Variants in CACNA1F observed in about 807,000 individuals in gnomAD.
CACNA1F encodes the protein calcium voltage-gated channel subunit alpha1 F.
CACNA1F carries 59 observed loss-of-function variants against 143.8 expected under a neutral mutation model. The observed-to-expected ratio is 0.41, with a 90% CI of 0.33 to 0.51. The LOEUF (loss-of-function observed/expected upper bound fraction) is 0.51, where lower values mean the gene tolerates loss of function less well. Among genes scored for constraint, CACNA1F ranks in the 20% least tolerant of loss-of-function variants. The pLI is 0.22. For synonymous variants in CACNA1F, 643 were observed against 649.1 expected (o/e 0.99, Z 0.14); for missense variants, 1,411 against 1,647.5 (o/e 0.86, Z 2.48).
Position 49,219,788 on chromosome X carries a change from T to G in CACNA1F, c.2389A>C (p.Met797Leu). The stretch of plus-strand genomic sequence containing the variant: ...TCTTCCTCCTCCTCCTCCTCCTCCA[T>G]GTCTGGCACCAGAGAAAAGCAAAAA... ...EEGARREGADMEEEEEEEEEE... is the reference protein window; with the variant it reads ...EEGARREGADLEEEEEEEEEE... Residue 797 changes from methionine to leucine, a missense_variant and splice_region_variant, in exon 20 of 48, where the codon ATG becomes CTG. By Grantham distance (15) the Met-to-Leu change is conservative (BLOSUM62 2). Coordinates refer to ENST00000323022, the MANE Select transcript of CACNA1F (RefSeq NM_001256789.3). The G allele has an allele frequency of 9.4e-7, 1 of 1,066,349 alleles. No individual in the cohort carries two copies. The allele number at this position is 1,066,349 out of a possible 1,213,427, so 87.9% of individuals were successfully genotyped here.
chrX:49,208,783 G>A (rs1284706057), intron 42 of CACNA1F, 99 bp from the exon 43 acceptor site: 16 of 666,146 alleles, frequency 2.4e-5, no homozygotes, highest in Admixed American at 6.9e-5. Flanking sequence ...TGTGGGCCTT[G>A]CCCTCCAACA....
At chrX:49,233,106 C>G in intron 1 of CACNA1F, 179 bp downstream of exon 1, 1 of 481,422 alleles carries the variant, frequency 2.1e-6, no homozygotes, top group East Asian at 3.7e-5. Flanking sequence ...CTGGGTCAGG[C>G]TGAGCGTTAG....
intron 14 of CACNA1F, 102 bp downstream of exon 14, chrX:49,224,659 T>C: frequency 1.7e-6 from 1 of 579,772 alleles, no homozygotes; most frequent in Non-Finnish European, 3.0e-6. Context: ...AATGGATGTC[T>C]GCTCAATGAA....
Position 49,231,311 on chromosome X carries a change from A to C in CACNA1F, c.276-4T>G. ...CAGGATGAGGATGTCGAAGGGCCTC[A>C]GGTGGACACAGTCAAGGACCCTGGC... On this transcript the variant is annotated splice_region_variant and splice_polypyrimidine_tract_variant and intron_variant, in intron 2 of 47. Transcript: ENST00000323022. 6 of 1,122,203 alleles carry C rather than the reference A, an allele frequency of 5.3e-6. No homozygotes were observed. The highest frequency in any genetic ancestry group is 7.2e-6 in the Non-Finnish European group (6 of 831,505). The allele number at this position is 1,122,203 out of a possible 1,213,427, so 92.5% of individuals were successfully genotyped here.
chrX:49,217,429 G>T (rs781843951), intron 26 of CACNA1F, among the ~76,000 whole-genome samples: 9 of 112,438 alleles, frequency 8.0e-5, no homozygotes, highest in Non-Finnish European at 1.1e-4. Flanking sequence ...GTCTCATGAA[G>T]TGGATTTGAA....
Position 49,206,803 on chromosome X carries a change from G to T in CACNA1F, c.5284C>A (p.Pro1762Thr), listed in dbSNP as rs938986393. 4.1e-6 allele frequency: 5 copies of T among 1,207,906 alleles called. No homozygotes were observed. The highest frequency in any genetic ancestry group is 5.6e-6 in the Non-Finnish European group (5 of 893,216). ...ATGTATCTCTGAGCTCTGTGAGGTG[G>T]CAAAAGGACTGAGCACGGGGGAGTC... ...AGTPPCSVLL[P>T]PHRAQRYMDG... Residue 1762 changes from proline (P) to threonine (T), a missense_variant, in exon 45 of 48, where the codon CCA becomes ACA. By Grantham distance (38) the Pro-to-Thr change is conservative (BLOSUM62 -1). Transcript: ENST00000323022.
At chrX:49,215,024 A>G (rs983154864) in intron 29 of CACNA1F, 62 bp downstream of exon 29, 3 of 1,062,171 alleles carry the variant, frequency 2.8e-6, no homozygotes, top group East Asian at 6.0e-5. Flanking sequence ...AATGGTTCCC[A>G]AGGGATTATG....
chrX:49,211,843 G>A, intron 35 of CACNA1F, 55 bp downstream of exon 35: 1 of 980,236 alleles, frequency 1.0e-6, no homozygotes, highest in Non-Finnish European at 1.5e-6. Flanking sequence ...GGGGCTCAGA[G>A]AGGGTGGGTG....
At chrX:49,229,705 G>T (rs1229922287) in intron 6 of CACNA1F, among the ~76,000 whole-genome samples, 1 of 109,744 alleles carries the variant, frequency 9.1e-6, no homozygotes, top group Non-Finnish European at 1.9e-5. Context: ...TGCAAGCTCC[G>T]CCTCCTGGGT....
chrX:49,226,014 T>C lies in CACNA1F; in HGVS notation c.1546A>G (p.Lys516Glu), dbSNP rs782658565. The change falls in exon 13 of 48, where the codon AAG becomes GAG. Residue 516 changes from lysine to glutamate, a missense_variant. By Grantham distance (56) the Lys-to-Glu change is moderately conservative. This residue lies in a region of CACNA1F where 950 missense variants were observed against 1,128.1 expected (regional missense o/e 0.84). Coordinates refer to ENST00000323022, the MANE Select transcript of CACNA1F (RefSeq NM_001256789.3). ...VLRARCRRAV[K>E]SNACYWAVLL... ...ACAGCCCAGTAGCAGGCATTGGACT[T>C]CACTGCCCGACGGCAGCGTGCCCGA... is the stretch of plus-strand genomic sequence containing the variant. 113 of 1,183,713 alleles carry C rather than the reference T, an allele frequency of 9.5e-5. No homozygotes were observed. In the South Asian group the frequency reaches 2.0e-3, roughly 21 times the overall value.
rs1299870733 is a variant in CACNA1F, at chrX:49,231,794, C to T, written c.159G>A (p.Gln53=). Residue 53 remains glutamine, a synonymous_variant, in exon 2 of 48, where the codon CAG becomes CAA. Coordinates refer to ENST00000323022, the MANE Select transcript of CACNA1F (RefSeq NM_001256789.3). Reference sequence around the variant, plus strand: ...CTGCCACTGTCTTGTGCTTGCTGTGCTGGTTTCTTCGCTTAGGGGTCCCTA... The same window carrying T: ...CTGCCACTGTCTTGTGCTTGCTGTGTTGGTTTCTTCGCTTAGGGGTCCCTA... ...SGLGTPKRRN[Q]HSKHKTVAVA... 1 of 1,209,478 alleles carries T rather than the reference C, an allele frequency of 8.3e-7. No individual in the cohort carries two copies. Among genetic ancestry groups the T allele is most frequent in the Non-Finnish European group, 1.1e-6 (1 of 894,751 alleles).
rs782636376 is a variant in CACNA1F at position 49,221,026 on chromosome X, C to T, written c.2334+9G>A. On this transcript the variant is annotated intron_variant, in intron 18 of 47. Coordinates refer to ENST00000323022, the MANE Select transcript of CACNA1F (RefSeq NM_001256789.3). Reference sequence around the variant, plus strand: ...GGAGGTGTAGACAGTGCCCAGGCATCTAACTCACCAGGCCTTCATTCTCCT... The same window carrying T: ...GGAGGTGTAGACAGTGCCCAGGCATTTAACTCACCAGGCCTTCATTCTCCT... 1.7e-6 allele frequency: 2 copies of T among 1,201,256 alleles called. No homozygotes were observed. The highest frequency in any genetic ancestry group is 4.3e-5 in the Admixed American group (2 of 46,103).
At chrX:49,232,804 TTC>T (rs781847301) in intron 1 of CACNA1F, among the ~76,000 whole-genome samples, 2 of 110,666 alleles carry the variant, frequency 1.8e-5, no homozygotes, top group African/African-American at 6.6e-5. Context: ...TTCTCTCTCT[TTC>T]TCTCTTTTGT....
chrX:49,216,426 G>A lies in CACNA1F; in HGVS notation c.3192C>T (p.Ala1064=), dbSNP rs1461146755. ...TGGAGACAGTGAACAGGGCCATCAT[G>A]GCTGAAAGGACATTGTCAAAGTTGA... is the stretch of plus-strand genomic sequence containing the variant. The part of the protein sequence containing the change: ...SDFNFDNVLS[A]MMALFTVSTF... Residue 1064 remains alanine, a synonymous_variant, in exon 27 of 48, where the codon GCC becomes GCT. Transcript: ENST00000323022. 4 of 1,208,824 alleles carry A rather than the reference G, an allele frequency of 3.3e-6. No individual in the cohort carries two copies. In the Admixed American group the frequency reaches 8.7e-5, roughly 26 times the overall value.
chrX:49,224,663 C>G, intron 14 of CACNA1F, 98 bp downstream of exon 14: 1 of 588,799 alleles, frequency 1.7e-6, no homozygotes, highest in Non-Finnish European at 2.9e-6. Context: ...GATGTCTGCT[C>G]AATGAATGGT....
rs782744089 is a variant in CACNA1F at position 49,209,725 on chromosome X, T to C, written c.4725A>G (p.Thr1575=). The change falls in exon 41 of 48, where the codon ACA becomes ACG. Residue 1575 remains threonine (T), a synonymous_variant. Transcript: ENST00000323022. Reference sequence around the variant, plus strand: ...TGCGGAAATAGTCCTGGATCAGAAATGTGGCGTAGAATTTGCCCACGGTGA... The same window carrying C: ...TGCGGAAATAGTCCTGGATCAGAAACGTGGCGTAGAATTTGCCCACGGTGA... ...EEVTVGKFYA[T]FLIQDYFRKF... 2.5e-6 allele frequency: 3 copies of C among 1,211,391 alleles called. No individual in the cohort carries two copies. The East Asian group carries it at 8.9e-5, about 36-fold the overall frequency.
chrX:49,218,075 C>A, intron 24 of CACNA1F, 70 bp from the exon 25 acceptor site: 1 of 782,112 alleles, frequency 1.3e-6, no homozygotes, highest in South Asian at 2.2e-5. Flanking sequence ...GGACTCTGGT[C>A]ATAGATGCAG....
At chrX:49,209,445 C>T (rs782366175) in intron 41 of CACNA1F, 52 bp from the exon 42 acceptor site, 2 of 1,182,508 alleles carry the variant, frequency 1.7e-6, no homozygotes, top group Non-Finnish European at 2.3e-6. Context: ...TGAACTTTCC[C>T]TCTGTTTCCC....
intron 46 of CACNA1F, 91 bp from the exon 47 acceptor site, chrX:49,205,904 T>C (rs1280551768): frequency 2.5e-6 from 2 of 793,377 alleles, no homozygotes; most frequent in Non-Finnish European, 3.7e-6. Context: ...TTTCCCTCAG[T>C]ATACAACTGG....
Sources: gnomAD v4.1 joint callset for allele counts (sites outside exome capture counted in the v4.1 genomes callset) on GRCh38, gnomAD v4.1.1 for gene constraint, gnomAD v4.1.1 regional missense constraint, MANE v1.5 for transcripts, NCBI Gene and HGNC (gene_info 2026-07-23, HGNC 2026-07-21) for gene names.